UQCC1: variants seen among roughly 807,000 people sequenced by gnomAD.
UQCC1 encodes ubiquinol-cytochrome c reductase complex assembly factor 1.
A neutral mutation model predicts 48.0 loss-of-function variants in UQCC1; 38 were observed. The ratio of observed to expected loss-of-function variants is 0.79; its 90% CI spans 0.61 to 1.04. The LOEUF (loss-of-function observed/expected upper bound fraction) is 1.04, where lower values mean the gene tolerates loss of function less well. Ranked by LOEUF, UQCC1 falls within the 50% of genes least tolerant of loss-of-function variation. UQCC1 has a pLI of 0.00. For missense variants in UQCC1, 368 were observed against 381.8 expected, an observed-to-expected ratio of 0.96 and a Z score of 0.30; for synonymous variants, 111 against 129.2, an observed-to-expected ratio of 0.86 and a Z score of 0.95.
At chr20:35,381,616 T>C (rs897500627) in intron 4 of UQCC1, among the ~76,000 whole-genome samples, 31 of 152,228 alleles carry the variant, frequency 2.0e-4, no homozygotes, top group Admixed American at 1.3e-4. Context: ...GCTACTCATA[T>C]ACCCTTGATC....
chr20:35,409,106 T>C (rs1295224572), intron 1 of UQCC1, among the ~76,000 whole-genome samples: 3 of 152,086 alleles, frequency 2.0e-5, no homozygotes, highest in Non-Finnish European at 4.4e-5. Context: ...AATAATTCTG[T>C]GGATAAGGGT....
At chr20:35,371,619 A>G (rs982322702) in intron 5 of UQCC1, among the ~76,000 whole-genome samples, 15 of 147,360 alleles carry the variant, frequency 1.0e-4, no homozygotes, top group Admixed American at 9.6e-4. Flanking sequence ...GGCGTGAGCC[A>G]CCGCGCCCAG....
At chr20:35,313,232 C>T (rs1300619427) in intron 8 of UQCC1, among the ~76,000 whole-genome samples, 9 of 151,472 alleles carry the variant, frequency 5.9e-5, no homozygotes, top group Admixed American at 1.3e-4. Context: ...AAAAATTAGC[C>T]GGGTGTGGTG....
At chr20:35,353,755 A>C (rs549574838) in intron 6 of UQCC1, among the ~76,000 whole-genome samples, 2 of 152,078 alleles carry the variant, frequency 1.3e-5, no homozygotes, top group African/African-American at 2.4e-5. Flanking sequence ...TTGTACCACT[A>C]AATTCTGGCC....
rs997728878 is a variant in UQCC1, at chr20:35,306,940, G to A, written c.652-161C>T. The A allele has an allele frequency of 4.4e-6, 3 of 684,520 alleles. No homozygotes were observed. The African/African-American group carries it at 5.3e-5, about 12-fold the overall frequency. 42.4% of individuals were successfully genotyped at this position (684,520 alleles called of 1,614,324 possible). A position where few individuals can be genotyped will look rare whatever the true frequency, so the allele number is the denominator to read the frequency against. The stretch of plus-strand genomic sequence containing the variant: ...CAGTCACACAGTAGAGGTGGAAGGG[G>A]TCTTACAAGGGTATCTGGCCCAATC... On this transcript the variant is annotated intron_variant, in intron 8 of 9. Transcript: ENST00000374385.
In UQCC1 at chr20:35,399,116, A is replaced by C. The variant is rs73111515; in HGVS notation, c.25-4920T>G. Among the ~76,000 whole-genome samples the C allele has an allele frequency of 5.6e-3, 851 of 152,328 alleles. 3 individuals are homozygous for C. The highest frequency in any genetic ancestry group is 8.9e-3 in the Non-Finnish European group (604 of 68,018). Reference sequence around the variant, plus strand: ...TCCCTTATGAAAAATGGGAATAATAAAAGCTATCTCACAGGAGTGTTCCCA... The same window carrying C: ...TCCCTTATGAAAAATGGGAATAATACAAGCTATCTCACAGGAGTGTTCCCA... On this transcript the variant is annotated intron_variant, in intron 1 of 9. Coordinates refer to ENST00000374385, the MANE Select transcript of UQCC1 (RefSeq NM_018244.5).
Position 35,314,716 on chromosome 20 carries a change from A to G in UQCC1, c.623T>C (p.Phe208Ser), listed in dbSNP as rs771851908. 6.2e-7 allele frequency: 1 copy of G among 1,609,278 alleles called. No individual in the cohort carries two copies. The highest frequency in any genetic ancestry group is 8.5e-7 in the Non-Finnish European group (1 of 1,176,202). The change falls in exon 8 of 10, where the codon TTC (phenylalanine) becomes TCC (serine). Residue 208 changes from phenylalanine (F) to serine (S), a missense_variant. Coordinates refer to ENST00000374385, the MANE Select transcript of UQCC1 (RefSeq NM_018244.5). Reference protein sequence around the residue: ...KKNMILMTNHFYAAILGYDEG... With the variant: ...KKNMILMTNHSYAAILGYDEG... ...ATCATATCCCAAGATCGCTGCATAG[A>G]AATGATTTGTCATGAGGATCATGTT...
At chr20:35,383,478 G>C (rs941106896) in intron 3 of UQCC1, among the ~76,000 whole-genome samples, 3 of 152,134 alleles carry the variant, frequency 2.0e-5, no homozygotes, top group Admixed American at 1.3e-4. Context: ...GGGAGGCCGA[G>C]GTGGGAGGAT....
intron 5 of UQCC1, 78 bp downstream of exon 5, chr20:35,374,106 C>T (rs2061767024): frequency 8.6e-7 from 1 of 1,158,368 alleles, no homozygotes; most frequent in Non-Finnish European, 1.3e-6. Context: ...ACTAAAAAAA[C>T]CTATCCTATT....
At chr20:35,322,551 T>C (rs956287848) in intron 7 of UQCC1, among the ~76,000 whole-genome samples, 4 of 151,964 alleles carry the variant, frequency 2.6e-5, no homozygotes, top group Non-Finnish European at 5.9e-5. Flanking sequence ...CTGGCCAACA[T>C]AGTGAAACCC....
At chr20:35,366,660 G>T in intron 5 of UQCC1, 46 bp from the exon 6 acceptor site, 1 of 1,512,716 alleles carries the variant, frequency 6.6e-7, no homozygotes, top group Non-Finnish European at 9.2e-7. Flanking sequence ...TTTAAAGGAA[G>T]CATATTGACC....
rs549655891 is a variant in UQCC1 at position 35,374,712 on chromosome 20, G to A, written c.334-456C>T. ...CACTACTATCTATTCTATAAATCTCGGGGGATGGAGTAAGCGGTATCTTTT... is the reference window on the plus strand; with the variant it reads ...CACTACTATCTATTCTATAAATCTCAGGGGATGGAGTAAGCGGTATCTTTT... On this transcript the variant is annotated intron_variant, in intron 4 of 9. Coordinates refer to ENST00000374385, the MANE Select transcript of UQCC1 (RefSeq NM_018244.5). Among the ~76,000 whole-genome samples the A allele has an allele frequency of 1.2e-4, 19 of 152,046 alleles. No homozygotes were observed. The South Asian group carries it at 1.5e-3, about 12-fold the overall frequency.
At chr20:35,400,378 C>A (rs1043355030) in intron 1 of UQCC1, among the ~76,000 whole-genome samples, 32 of 152,252 alleles carry the variant, frequency 2.1e-4, no homozygotes, top group African/African-American at 7.0e-4. Context: ...ACATTCATAG[C>A]CACTCCCAAT....
Position 35,411,970 on chromosome 20 carries a change from C to G in UQCC1, c.-7G>C, listed in dbSNP as rs1297759265. 4 of 1,614,110 alleles carry G rather than the reference C, an allele frequency of 2.5e-6. No individual in the cohort carries two copies. Among genetic ancestry groups the G allele is most frequent in the Non-Finnish European group, 3.4e-6 (4 of 1,180,042 alleles). ...CTCGCACCAGCAACGCCATGTTCCT[C>G]AATAACCATTTCCGGGTGAAGAGTG... On this transcript the variant is annotated 5_prime_UTR_variant, in exon 1 of 10. Transcript: ENST00000374385.
At chr20:35,329,474 T>C (rs1176057012) in intron 7 of UQCC1, among the ~76,000 whole-genome samples, 1 of 152,054 alleles carries the variant, frequency 6.6e-6, no homozygotes, top group Non-Finnish European at 1.5e-5. Context: ...ACAATGAACA[T>C]GGAAAAACAA....
At chr20:35,339,850 T>A (rs928157098) in intron 7 of UQCC1, among the ~76,000 whole-genome samples, 8 of 152,092 alleles carry the variant, frequency 5.3e-5, no homozygotes, top group African/African-American at 1.9e-4. Flanking sequence ...CAATCTTAGA[T>A]GCACAATTTT....
At chr20:35,306,621 C>T in intron 9 of UQCC1, 45 bp downstream of exon 9, 2 of 1,466,828 alleles carry the variant, frequency 1.4e-6, no homozygotes, top group Non-Finnish European at 1.9e-6. Context: ...AAGAGGAGGA[C>T]CCACTGTTGC....
rs150625540 is a variant in UQCC1 at position 35,394,118 on chromosome 20, C to A, written c.103G>T (p.Asp35Tyr). Reference sequence around the variant, plus strand: ...TGGGAAGTGCGAGACAGAGCCCTGTCCCCCTGTCCTTGGGTAGGAGACACA... The same window carrying A: ...TGGGAAGTGCGAGACAGAGCCCTGTACCCCTGTCCTTGGGTAGGAGACACA... ...IPVSPTQGQG[D>Y]RALSRTSQWP... is the part of the protein sequence containing the mutation. Residue 35 changes from aspartate to tyrosine, a missense_variant, in exon 2 of 10, where the codon GAC becomes TAC. By Grantham distance (160) the Asp-to-Tyr change is radical. Coordinates refer to ENST00000374385, the MANE Select transcript of UQCC1 (RefSeq NM_018244.5). 6 of 1,613,834 alleles carry A rather than the reference C, an allele frequency of 3.7e-6. No individual in the cohort carries two copies. The highest frequency in any genetic ancestry group is 1.3e-5 in the African/African-American group (1 of 74,896).
rs575301350 is a variant in UQCC1, at chr20:35,356,555, A to G, written c.465-9283T>C. On this transcript the variant is annotated intron_variant, in intron 6 of 9. Coordinates refer to ENST00000374385, the MANE Select transcript of UQCC1 (RefSeq NM_018244.5). ...TGATTTGGATGCATTATTTTTCCTAATTTTTACAACAACTCCATGAAGCTG... is the reference window on the plus strand; with the variant it reads ...TGATTTGGATGCATTATTTTTCCTAGTTTTTACAACAACTCCATGAAGCTG... Among the ~76,000 whole-genome samples the G allele has an allele frequency of 2.0e-5, 3 of 151,852 alleles. No individual in the cohort carries two copies. In the South Asian group the frequency reaches 6.2e-4, roughly 31 times the overall value.
Sources: allele counts gnomAD v4.1 joint callset (sites outside exome capture counted in the v4.1 genomes callset), GRCh38; gene constraint gnomAD v4.1.1; transcripts MANE v1.5; gene names NCBI Gene and HGNC (gene_info 2026-07-23, HGNC 2026-07-21).